The following DCC variants were observed in gnomAD, a reference collection of about 807,000 sequenced individuals.
The protein encoded by DCC is netrin receptor DCC.
A neutral mutation model predicts 172.5 loss-of-function variants in DCC; 58 were observed. The observed-to-expected ratio is 0.34, with a 90% CI of 0.27 to 0.42. DCC has a LOEUF of 0.42. Among genes scored for constraint, DCC ranks in the 10% least tolerant of loss-of-function variants. The pLI, the probability that DCC is intolerant of heterozygous loss-of-function variation, is 1.00. For missense variants in DCC, 1,740 were observed against 1,791.0 expected, an observed-to-expected ratio of 0.97 and a Z score of 0.51; for synonymous variants, 709 against 644.5, an observed-to-expected ratio of 1.10 and a Z score of -1.52.
chr18:52,681,192 G>C (rs1337998458), intron 1 of DCC, among the ~76,000 whole-genome samples: 1 of 152,056 alleles, frequency 6.6e-6, no homozygotes, highest in East Asian at 1.9e-4. Flanking sequence ...GGTATTTCCT[G>C]AGTTCTCAGT....
chr18:52,530,354 T>G (rs1438320485), intron 1 of DCC, among the ~76,000 whole-genome samples: 3 of 152,146 alleles, frequency 2.0e-5, no homozygotes, highest in African/African-American at 4.8e-5. Context: ...AACAGTAAGT[T>G]GGAGGGAAAA....
At chr18:52,432,342 C>T (rs533347795) in intron 1 of DCC, among the ~76,000 whole-genome samples, 5 of 152,156 alleles carry the variant, frequency 3.3e-5, no homozygotes, top group East Asian at 3.9e-4. Context: ...TGCAGCTCAG[C>T]GGCGGATTGG....
intron 15 of DCC, among the ~76,000 whole-genome samples, chr18:53,384,488 A>G (rs925986264): frequency 4.6e-5 from 7 of 151,972 alleles, no homozygotes; most frequent in African/African-American, 1.4e-4. Context: ...TCTAACTTCA[A>G]TATTTATCAC....
At chr18:53,335,947 T>C (rs1392152530) in intron 14 of DCC, among the ~76,000 whole-genome samples, 2 of 152,042 alleles carry the variant, frequency 1.3e-5, no homozygotes, top group East Asian at 1.9e-4. Flanking sequence ...ATCACGATAA[T>C]AGCACAGGAA....
chr18:52,426,195 G>C (rs1987418620), intron 1 of DCC, among the ~76,000 whole-genome samples: 1 of 152,170 alleles, frequency 6.6e-6, no homozygotes, highest in Middle Eastern at 3.4e-3. Context: ...GTGGTGAAAA[G>C]CTGTGTCCTC....
At chr18:52,887,577 G>A (rs200976953) in intron 2 of DCC, among the ~76,000 whole-genome samples, 4 of 152,102 alleles carry the variant, frequency 2.6e-5, no homozygotes, top group Middle Eastern at 3.4e-3. Context: ...ATTCATTAAC[G>A]AATGTTTTAA....
At chr18:52,928,822 GC>G (rs2040258087) in intron 5 of DCC, among the ~76,000 whole-genome samples, 2 of 152,148 alleles carry the variant, frequency 1.3e-5, no homozygotes, top group African/African-American at 4.8e-5. Flanking sequence ...ACCATGGTTT[GC>G]ATCTGCATGG....
At chr18:52,921,227 A>G (rs2040120115) in intron 3 of DCC, among the ~76,000 whole-genome samples, 1 of 152,186 alleles carries the variant, frequency 6.6e-6, no homozygotes. Context: ...CAACTATACC[A>G]CATTAGTGTA....
At chr18:52,681,794 C>T (rs2035754269) in intron 1 of DCC, among the ~76,000 whole-genome samples, 1 of 152,068 alleles carries the variant, frequency 6.6e-6, no homozygotes, top group Non-Finnish European at 1.5e-5. Context: ...TGTGAGGAGA[C>T]CCTCTGTGCC....
At chr18:52,700,342 C>A (rs1246420493) in intron 1 of DCC, among the ~76,000 whole-genome samples, 1 of 142,572 alleles carries the variant, frequency 7.0e-6, no homozygotes, top group Non-Finnish European at 1.6e-5. Context: ...CACACCCATG[C>A]ACACTCACTC....
At chr18:52,711,107 C>T (rs969960739) in intron 1 of DCC, among the ~76,000 whole-genome samples, 6 of 152,118 alleles carry the variant, frequency 3.9e-5, no homozygotes, top group South Asian at 2.1e-4. Context: ...TTTTACACTG[C>T]GACTTTATAT....
chr18:52,903,389 T>C (rs2039837101), intron 2 of DCC, among the ~76,000 whole-genome samples: 1 of 152,058 alleles, frequency 6.6e-6, no homozygotes, highest in African/African-American at 2.4e-5. Flanking sequence ...AAATTTCTTG[T>C]AGCGACAGCG....
chr18:52,839,691 C>G (rs1314012385), intron 2 of DCC, among the ~76,000 whole-genome samples: 1 of 152,198 alleles, frequency 6.6e-6, no homozygotes, highest in Non-Finnish European at 1.5e-5. Context: ...TTTAACACAT[C>G]TCCCTGAATT....
chr18:52,575,738 C>T (rs1481838675), intron 1 of DCC, among the ~76,000 whole-genome samples: 3 of 152,058 alleles, frequency 2.0e-5, no homozygotes, highest in African/African-American at 7.2e-5. Flanking sequence ...ACAACTGCTC[C>T]ATAAAATAGA....
At chr18:53,016,128 TC>T (rs2041804958) in intron 5 of DCC, among the ~76,000 whole-genome samples, 1 of 152,082 alleles carries the variant, frequency 6.6e-6, no homozygotes, top group Non-Finnish European at 1.5e-5. Flanking sequence ...TCTTTGTCTG[TC>T]CATCTTCTCA....
intron 1 of DCC, among the ~76,000 whole-genome samples, chr18:52,654,256 C>T (rs554394012): frequency 1.3e-5 from 2 of 152,110 alleles, no homozygotes; most frequent in Non-Finnish European, 2.9e-5. Flanking sequence ...AGTAATGAAA[C>T]ACTACAGGTG....
chr18:52,783,935 C>A (rs183352973), intron 2 of DCC, among the ~76,000 whole-genome samples: 1 of 152,118 alleles, frequency 6.6e-6, no homozygotes, highest in Non-Finnish European at 1.5e-5. Context: ...TTTACCATTT[C>A]TTTGTGTTGG....
chr18:52,800,636 G>C (rs2037967790), intron 2 of DCC, among the ~76,000 whole-genome samples: 1 of 151,568 alleles, frequency 6.6e-6, no homozygotes, highest in East Asian at 1.9e-4. Flanking sequence ...ACACCAAACA[G>C]ATGTTGCATA....
At chr18:53,012,980 A>G (rs950670491) in intron 5 of DCC, among the ~76,000 whole-genome samples, 1 of 152,228 alleles carries the variant, frequency 6.6e-6, no homozygotes, top group African/African-American at 2.4e-5. Flanking sequence ...ATAGTTCATT[A>G]TCACTGGTCA....
Sources: allele counts gnomAD v4.1 joint callset (sites outside exome capture counted in the v4.1 genomes callset), GRCh38; gene constraint gnomAD v4.1.1; transcripts MANE v1.5; gene names NCBI Gene and HGNC (gene_info 2026-07-23, HGNC 2026-07-21).